Variants in TTLL11 observed in about 807,000 individuals in gnomAD.
The protein encoded by TTLL11 is tubulin polyglutamylase TTLL11.
A neutral mutation model predicts 51.7 loss-of-function variants in TTLL11; 42 were observed. The observed-to-expected ratio is 0.81, with a 90% CI of 0.64 to 1.05. The LOEUF (loss-of-function observed/expected upper bound fraction) is 1.05, where lower values mean the gene tolerates loss of function less well. Among genes scored for constraint, TTLL11 ranks in the 50% least tolerant of loss-of-function variants. TTLL11 has a pLI of 0.00. For missense variants in TTLL11, 799 were observed against 940.4 expected, an observed-to-expected ratio of 0.85 and a Z score of 1.97; for synonymous variants, 381 against 383.5, an observed-to-expected ratio of 0.99 and a Z score of 0.08.
chr9:121,871,888 G>T (rs1202819361), intron 6 of TTLL11, among the ~76,000 whole-genome samples: 1 of 152,194 alleles, frequency 6.6e-6, no homozygotes, highest in Non-Finnish European at 1.5e-5. Context: ...GGCCCTCTCT[G>T]CAATTGCAGG....
At chr9:121,936,327 G>C (rs1436613346) in intron 6 of TTLL11, among the ~76,000 whole-genome samples, 1 of 150,926 alleles carries the variant, frequency 6.6e-6, no homozygotes, top group Non-Finnish European at 1.5e-5. Context: ...GCAGTGGCTC[G>C]ATCACTGCTC....
At chr9:122,002,770 C>T (rs1843511417) in intron 3 of TTLL11, among the ~76,000 whole-genome samples, 1 of 151,630 alleles carries the variant, frequency 6.6e-6, no homozygotes, top group Non-Finnish European at 1.5e-5. Flanking sequence ...CATGGTGAAA[C>T]CCCCGTCTCT....
chr9:122,036,626 A>G (rs1844711951), intron 2 of TTLL11, among the ~76,000 whole-genome samples: 1 of 152,126 alleles, frequency 6.6e-6, no homozygotes, highest in Non-Finnish European at 1.5e-5. Flanking sequence ...AAAATTAATC[A>G]CTTCCATCTG....
At chr9:121,826,992 G>A (rs1836830567) in intron 8 of TTLL11, among the ~76,000 whole-genome samples, 4 of 152,038 alleles carry the variant, frequency 2.6e-5, no homozygotes, top group Admixed American at 2.6e-4. Flanking sequence ...GTCACTGTGG[G>A]GCTGGGGTCA....
chr9:121,859,875 G>A (rs1262468902), intron 8 of TTLL11, among the ~76,000 whole-genome samples: 1 of 152,170 alleles, frequency 6.6e-6, no homozygotes, highest in Non-Finnish European at 1.5e-5. Context: ...CCTGGATGAG[G>A]AGCTCCTCCG....
intron 6 of TTLL11, among the ~76,000 whole-genome samples, chr9:121,904,930 G>A (rs997564145): frequency 1.2e-4 from 19 of 152,188 alleles, no homozygotes; most frequent in African/African-American, 3.6e-4. Context: ...ATGTATGGAC[G>A]TCGATGCTCC....
In TTLL11 at chr9:121,990,554, C is replaced by T. The variant is rs532759236; in HGVS notation, c.694-784G>A. On this transcript the variant is annotated intron_variant, in intron 3 of 8. Coordinates refer to ENST00000321582, the MANE Select transcript of TTLL11 (RefSeq NM_001139442.2). Reference sequence around the variant, plus strand: ...AGCCCTTGGACCTTCCTCTATCCTACCATGTCTTGGTTTCCTCACTTTAAA... The same window carrying T: ...AGCCCTTGGACCTTCCTCTATCCTATCATGTCTTGGTTTCCTCACTTTAAA... 8.7e-4 allele frequency among the ~76,000 whole-genome samples: 133 copies of T among 152,172 alleles called. 1 individual carries two copies. Among genetic ancestry groups the T allele is most frequent in the Non-Finnish European group, 1.5e-3 (99 of 68,024 alleles).
At chr9:121,940,770 G>C (rs1047882262) in intron 6 of TTLL11, among the ~76,000 whole-genome samples, 1 of 152,168 alleles carries the variant, frequency 6.6e-6, no homozygotes. Context: ...TAGAGAGCAG[G>C]CTCCATAGGA....
At chr9:122,071,593 C>T (rs1157036993) in intron 1 of TTLL11, among the ~76,000 whole-genome samples, 4 of 152,160 alleles carry the variant, frequency 2.6e-5, no homozygotes, top group African/African-American at 9.7e-5. Flanking sequence ...CCCAGCACTG[C>T]TGCCGCCCCC....
intron 1 of TTLL11, among the ~76,000 whole-genome samples, chr9:122,074,438 T>C (rs1274329859): frequency 6.6e-6 from 1 of 152,240 alleles, no homozygotes; most frequent in Non-Finnish European, 1.5e-5. Context: ...ATGAAGGTAC[T>C]TGTTGATTTA....
intron 3 of TTLL11, among the ~76,000 whole-genome samples, chr9:122,006,545 A>G (rs947704264): frequency 3.3e-5 from 5 of 152,234 alleles, no homozygotes; most frequent in African/African-American, 1.2e-4. Flanking sequence ...TAGAGAGACT[A>G]TAATAACTAA....
At chr9:121,898,430 G>C (rs1488998315) in intron 6 of TTLL11, among the ~76,000 whole-genome samples, 1 of 152,260 alleles carries the variant, frequency 6.6e-6, no homozygotes, top group Non-Finnish European at 1.5e-5. Flanking sequence ...GCTGCAATAG[G>C]GATAGCAGAG....
At chr9:122,069,288 C>T (rs778514143) in intron 1 of TTLL11, among the ~76,000 whole-genome samples, 3 of 152,174 alleles carry the variant, frequency 2.0e-5, no homozygotes, top group Non-Finnish European at 2.9e-5. Flanking sequence ...TTAAGCCCTA[C>T]CTCCTCAGGC....
intron 6 of TTLL11, among the ~76,000 whole-genome samples, chr9:121,940,953 C>T (rs979757989): frequency 6.6e-6 from 1 of 152,200 alleles, no homozygotes; most frequent in African/African-American, 2.4e-5. Flanking sequence ...CTCCTGAGAA[C>T]TCCAATTAAG....
At chr9:121,827,601 T>TG (rs1039690628) in intron 8 of TTLL11, among the ~76,000 whole-genome samples, 3 of 152,172 alleles carry the variant, frequency 2.0e-5, no homozygotes, top group African/African-American at 7.2e-5. Context: ...CCAGTGAGTG[T>TG]GGGGGGACGC....
chr9:121,882,646 G>A (rs965564841), intron 6 of TTLL11, among the ~76,000 whole-genome samples: 12 of 152,074 alleles, frequency 7.9e-5, no homozygotes, highest in East Asian at 3.9e-4. Flanking sequence ...CTTCCTGGGC[G>A]TTCTTATTCA....
intron 8 of TTLL11, among the ~76,000 whole-genome samples, chr9:121,830,502 C>T (rs1292451171): frequency 6.6e-6 from 1 of 152,174 alleles, no homozygotes; most frequent in Non-Finnish European, 1.5e-5. Flanking sequence ...GGACCTGCCC[C>T]CAAACTGAGA....
At chr9:121,964,842 T>C (rs1262289707) in intron 6 of TTLL11, among the ~76,000 whole-genome samples, 3 of 152,160 alleles carry the variant, frequency 2.0e-5, no homozygotes, top group Non-Finnish European at 4.4e-5. Flanking sequence ...TGTCAGTTTT[T>C]AAAAGTTCTT....
At chr9:121,939,649 T>C (rs540217745) in intron 6 of TTLL11, among the ~76,000 whole-genome samples, 3 of 152,308 alleles carry the variant, frequency 2.0e-5, no homozygotes, top group Non-Finnish European at 2.9e-5. Flanking sequence ...GGGGAGTGCA[T>C]ACATATTCAT....
Sources: gnomAD v4.1 joint callset for allele counts (sites outside exome capture counted in the v4.1 genomes callset) on GRCh38, gnomAD v4.1.1 for gene constraint, MANE v1.5 for transcripts, NCBI Gene and HGNC (gene_info 2026-07-23, HGNC 2026-07-21) for gene names.